The following CLASP2 variants were observed in gnomAD, a reference collection of about 807,000 sequenced individuals.
The protein encoded by CLASP2 is CLIP-associating protein 2.
CLASP2 carries 47 observed loss-of-function variants against 194.4 expected under a neutral mutation model. That is an observed-to-expected ratio of 0.24 (90% CI 0.19 to 0.31). CLASP2 has a LOEUF of 0.31. Among genes scored for constraint, CLASP2 ranks in the 10% least tolerant of loss-of-function variants. The pLI, the probability that CLASP2 is intolerant of heterozygous loss-of-function variation, is 1.00. For synonymous variants in CLASP2, 619 were observed against 633.5 expected, an observed-to-expected ratio of 0.98 and a Z score of 0.34; for missense variants, 1,445 against 1,823.6, an observed-to-expected ratio of 0.79 and a Z score of 3.78.
intron 6 of CLASP2, among the ~76,000 whole-genome samples, chr3:33,675,719 G>A (rs1361121528): frequency 7.0e-6 from 1 of 143,822 alleles, no homozygotes; most frequent in Non-Finnish European, 1.5e-5. Context: ...TCCTTAAGTT[G>A]ATAAGCAACT....
At chr3:33,670,102 A>G (rs1289936543) in intron 6 of CLASP2, among the ~76,000 whole-genome samples, 2 of 152,200 alleles carry the variant, frequency 1.3e-5, no homozygotes, top group Non-Finnish European at 2.9e-5. Flanking sequence ...ACATACATAT[A>G]CACGCACACA....
intron 33 of CLASP2, among the ~76,000 whole-genome samples, chr3:33,538,211 A>T (rs914365979): frequency 1.3e-5 from 2 of 151,918 alleles, no homozygotes; most frequent in African/African-American, 4.8e-5. Flanking sequence ...GTCCAACTAC[A>T]CTGGTTTTCT....
chr3:33,688,303 A>G lies in CLASP2; in HGVS notation c.444T>C (p.Cys148=). ...TGTTTAAGGTTTCAATAAGACACAGACACACGCCTTCTCGAGATCGAAAAT... is the reference window on the plus strand; with the variant it reads ...TGTTTAAGGTTTCAATAAGACACAGGCACACGCCTTCTCGAGATCGAAAAT... ...HKNFRSREGV[C]LCLIETLNIF... is the part of the protein sequence containing the mutation. Residue 148 remains cysteine (C), a synonymous_variant, in exon 4 of 39, where the codon TGT becomes TGC. Coordinates refer to ENST00000682230, the MANE Select transcript of CLASP2 (RefSeq NM_001365631.1). 1 of 1,589,994 alleles carries G rather than the reference A, an allele frequency of 6.3e-7. No homozygotes were observed. The highest frequency in any genetic ancestry group is 8.6e-7 in the Non-Finnish European group (1 of 1,167,082).
intron 1 of CLASP2, among the ~76,000 whole-genome samples, chr3:33,708,516 G>T: frequency 9.4e-6 from 1 of 106,616 alleles, no homozygotes; most frequent in East Asian, 2.8e-4. Context: ...GTATATATAT[G>T]TATATATGTA....
intron 34 of CLASP2, among the ~76,000 whole-genome samples, chr3:33,524,537 G>T (rs1363429859): frequency 1.3e-5 from 2 of 152,134 alleles, no homozygotes; most frequent in East Asian, 3.9e-4. Flanking sequence ...TATAATCCCA[G>T]CTACTAGGGA....
At position 33,576,576 on chromosome 3, in the gene CLASP2, G is replaced by C. The variant is rs540189479; in HGVS notation, c.2348-301C>G. On this transcript the variant is annotated intron_variant, in intron 23 of 38. Transcript: ENST00000682230. ...TGCAAGTCTATAGCCCTGTAATCCA[G>C]CTCTATCAGTTCAGGCAAATATCAT... Among the ~76,000 whole-genome samples, 34 of 152,282 alleles carry C rather than the reference G, an allele frequency of 2.2e-4. No individual in the cohort carries two copies. The South Asian group carries it at 7.0e-3, about 32-fold the overall frequency.
chr3:33,525,388 AAC>A (rs1363822444), intron 34 of CLASP2, among the ~76,000 whole-genome samples: 1 of 152,078 alleles, frequency 6.6e-6, no homozygotes, highest in African/African-American at 2.4e-5. Flanking sequence ...GGGGTGAGTA[AAC>A]ACACACACCT....
chr3:33,501,865 C>T (rs953542415), intron 37 of CLASP2, 97 bp from the exon 38 acceptor site: 11 of 789,452 alleles, frequency 1.4e-5, no homozygotes, highest in Non-Finnish European at 1.7e-5. Flanking sequence ...GATGAAATCT[C>T]GAGCATACTA....
intron 34 of CLASP2, among the ~76,000 whole-genome samples, chr3:33,517,603 C>T (rs1054531948): frequency 2.6e-5 from 4 of 152,128 alleles, no homozygotes; most frequent in East Asian, 1.9e-4. Context: ...ATGATAAAAA[C>T]GACCACTGGA....
chr3:33,657,417 ATAAT>A lies in CLASP2; in HGVS notation c.715+6024_715+6027del, dbSNP rs971485395. 2.6e-4 allele frequency among the ~76,000 whole-genome samples: 40 copies of A among 152,240 alleles called. No individual in the cohort carries two copies. In the South Asian group the frequency reaches 8.1e-3, roughly 31 times the overall value. ...GTCAGAGGTTGTTACTTTTTTAAAAATAATTAATATATTCCTCAACAGTCCAAAT... is the reference window on the plus strand; with the variant it reads ...GTCAGAGGTTGTTACTTTTTTAAAAATAATATATTCCTCAACAGTCCAAAT... On this transcript the variant is annotated intron_variant, in intron 7 of 38. Transcript: ENST00000682230.
chr3:33,518,112 A>G (rs2051935905), intron 34 of CLASP2, among the ~76,000 whole-genome samples: 1 of 152,240 alleles, frequency 6.6e-6, no homozygotes, highest in African/African-American at 2.4e-5. Context: ...TTATCCTGAA[A>G]TACAGTTTTA....
intron 6 of CLASP2, among the ~76,000 whole-genome samples, chr3:33,680,677 G>A (rs1182491705): frequency 6.6e-6 from 1 of 152,098 alleles, no homozygotes; most frequent in Non-Finnish European, 1.5e-5. Context: ...CAGGTGTTGT[G>A]GTGTGCATCT....
At chr3:33,702,424 C>T (rs898916052) in intron 1 of CLASP2, among the ~76,000 whole-genome samples, 6 of 152,122 alleles carry the variant, frequency 3.9e-5, no homozygotes, top group Non-Finnish European at 7.4e-5. Flanking sequence ...TGGATGAATG[C>T]GGACCACTAC....
chr3:33,520,527 C>G (rs73053662), intron 34 of CLASP2, among the ~76,000 whole-genome samples: 2,479 of 152,068 alleles, frequency 0.016, 42 homozygotes, highest in Middle Eastern at 0.071. Context: ...CTGCTGGAGC[C>G]AAAGTGGAAT....
At chr3:33,673,413 G>C (rs1474083516) in intron 6 of CLASP2, among the ~76,000 whole-genome samples, 1 of 152,044 alleles carries the variant, frequency 6.6e-6, no homozygotes, top group African/African-American at 2.4e-5. Context: ...GTCACCACCA[G>C]GCCTGCCCTA....
chr3:33,594,580 A>G (rs1428824100), intron 20 of CLASP2, among the ~76,000 whole-genome samples: 2 of 151,992 alleles, frequency 1.3e-5, no homozygotes, highest in East Asian at 3.8e-4. Context: ...ATGATCTCTC[A>G]AAGTATAAAT....
chr3:33,561,717 A>G (rs1443486745), intron 27 of CLASP2, among the ~76,000 whole-genome samples: 1 of 152,154 alleles, frequency 6.6e-6, no homozygotes, highest in Non-Finnish European at 1.5e-5. Flanking sequence ...AAGGGAAGCT[A>G]ATGTTTATAA....
At chr3:33,672,200 A>C (rs565021002) in intron 6 of CLASP2, among the ~76,000 whole-genome samples, 4 of 152,264 alleles carry the variant, frequency 2.6e-5, no homozygotes, top group African/African-American at 9.6e-5. Context: ...CCCCTCAGTA[A>C]GGGCAGACTG....
chr3:33,581,772 G>GATAACACCATGGATAAGCAATGCAC (rs2066199927), intron 23 of CLASP2, 49 bp downstream of exon 23: 1 of 1,301,310 alleles, frequency 7.7e-7, no homozygotes, highest in South Asian at 1.2e-5. Flanking sequence ...AACAGATAGT[G>GATAACACCATGGATAAGCAATGCAC]ATAACACCAT....
Sources: allele counts gnomAD v4.1 joint callset (sites outside exome capture counted in the v4.1 genomes callset), GRCh38; gene constraint gnomAD v4.1.1; transcripts MANE v1.5; gene names NCBI Gene and HGNC (gene_info 2026-07-23, HGNC 2026-07-21).